The following TTN variants were observed in gnomAD, a reference collection of about 807,000 sequenced individuals.
The protein encoded by TTN is titin, also known as connectin.
In TTN, 1,525 loss-of-function variants were observed where a neutral mutation model predicts 3,223.0. The ratio of observed to expected loss-of-function variants is 0.47; its 90% CI spans 0.45 to 0.49. The LOEUF is 0.49. Ranked by LOEUF, TTN falls within the 20% of genes least tolerant of loss-of-function variation. TTN has a pLI of 0.00. For missense variants in TTN, 40,786 were observed against 43,424.0 expected (o/e 0.94, Z 5.40); for synonymous variants, 14,094 against 15,161.0 (o/e 0.93, Z 5.17).
intron 46 of TTN, among the ~76,000 whole-genome samples, chr2:178,755,400 G>A (rs1392302619): frequency 6.6e-6 from 1 of 152,066 alleles, no homozygotes; most frequent in Non-Finnish European, 1.5e-5. Context: ...TTGGTCCAGA[G>A]AGAGCTTTGT....
chr2:178,551,117 T>C lies in TTN; in HGVS notation c.91414A>G (p.Asn30472Asp). 1 of 1,613,500 alleles carries C rather than the reference T, an allele frequency of 6.2e-7. No individual in the cohort carries two copies. The highest frequency in any genetic ancestry group is 8.5e-7 in the Non-Finnish European group (1 of 1,179,652). Residue 30472 changes from asparagine to aspartate, a missense_variant, in exon 336 of 363, where the codon AAC becomes GAC. Asn to Asp is a conservative substitution (Grantham distance 23). Coordinates refer to ENST00000589042, the MANE Select transcript of TTN (RefSeq NM_001267550.2). The stretch of plus-strand genomic sequence containing the variant: ...TGACATTCACTGACGTCAGTAAAGT[T>C]GCATCTCACCCAGCGTTCATTTCCT... ...RQGNERWVRC[N>D]FTDVSECQYT...
intron 163 of TTN, among the ~76,000 whole-genome samples, chr2:178,666,483 T>A (rs910792629): frequency 2.6e-5 from 4 of 152,180 alleles, no homozygotes; most frequent in African/African-American, 9.6e-5. Flanking sequence ...TGCTCTAATC[T>A]TGTAGAGATA....
At position 178,741,542 on chromosome 2, in the gene TTN, G is replaced by C; in HGVS notation, c.11691C>G (p.Asp3897Glu). The change falls in exon 48 of 363, where the codon GAC becomes GAG. Residue 3897 changes from aspartate to glutamate, a missense_variant. Asp to Glu is a conservative substitution (Grantham distance 45). Coordinates refer to ENST00000589042, the MANE Select transcript of TTN (RefSeq NM_001267550.2). ...AGGCACTACATATTGTCTTTCCATAGTCATTACTGGCCATACATGTATACT... is the reference window on the plus strand; with the variant it reads ...AGGCACTACATATTGTCTTTCCATACTCATTACTGGCCATACATGTATACT... ...EGEYTCMASN[D>E]YGKTICSAYL... 4 of 1,613,792 alleles carry C rather than the reference G, an allele frequency of 2.5e-6. No individual in the cohort carries two copies. Among genetic ancestry groups the C allele is most frequent in the Non-Finnish European group, 3.4e-6 (4 of 1,179,786 alleles).
chr2:178,758,174 G>T (rs1379522975), intron 44 of TTN, among the ~76,000 whole-genome samples: 1 of 152,068 alleles, frequency 6.6e-6, no homozygotes, highest in African/African-American at 2.4e-5. Flanking sequence ...GTACCCAACA[G>T]GGTTTTGGAT....
chr2:178,768,405 C>G (rs923107454), intron 38 of TTN, among the ~76,000 whole-genome samples: 1 of 152,164 alleles, frequency 6.6e-6, no homozygotes, highest in Non-Finnish European at 1.5e-5. Flanking sequence ...ATCTACATCT[C>G]TATAGATTTG....
chr2:178,733,757 T>G lies in TTN; in HGVS notation c.15632A>C (p.Asp5211Ala), dbSNP rs1174909402. Residue 5211 changes from aspartate (D) to alanine (A), a missense_variant, in exon 53 of 363, where the codon GAC becomes GCC. By Grantham distance (126) the Asp-to-Ala change is moderately radical (BLOSUM62 -2). Coordinates refer to ENST00000589042, the MANE Select transcript of TTN (RefSeq NM_001267550.2). ...WMKGQEVIREDGKIKMSFSNG... is the reference protein window; with the variant it reads ...WMKGQEVIREAGKIKMSFSNG... ...GGAAAAGCTCATTTTGATTTTTCCGTCTTCTCTGATGACCTCTTGACCTTT... is the reference window on the plus strand; with the variant it reads ...GGAAAAGCTCATTTTGATTTTTCCGGCTTCTCTGATGACCTCTTGACCTTT... 1 of 1,613,858 alleles carries G rather than the reference T, an allele frequency of 6.2e-7. No homozygotes were observed. Among genetic ancestry groups the G allele is most frequent in the South Asian group, 1.1e-5 (1 of 91,086 alleles).
chr2:178,604,261 C>A lies in TTN; in HGVS notation c.54426G>T (p.Arg18142Ser). 1 of 1,564,214 alleles carries A rather than the reference C, an allele frequency of 6.4e-7. No homozygotes were observed. Among genetic ancestry groups the A allele is most frequent in the Non-Finnish European group, 8.7e-7 (1 of 1,153,226 alleles). Residue 18142 changes from arginine (R) to serine (S), a missense_variant, in exon 282 of 363, where the codon AGG (arginine) becomes AGT (serine). Coordinates refer to ENST00000589042, the MANE Select transcript of TTN (RefSeq NM_001267550.2). ...CACTGATTCCATATTTATTCACTGC[C>A]CTGACTCGGAACTCATACTGACCAT... The part of the protein sequence containing the change: ...IPNGQYEFRV[R>S]AVNKYGISDE...
rs1341053219 is a variant in TTN, at chr2:178,564,728, G to A, written c.81404C>T (p.Thr27135Ile). Residue 27135 changes from threonine (T) to isoleucine (I), a missense_variant, in exon 326 of 363, where the codon ACT becomes ATT. Physicochemically the swap from Thr to Ile is moderately conservative, Grantham distance 89. Coordinates refer to ENST00000589042, the MANE Select transcript of TTN (RefSeq NM_001267550.2). Reference sequence around the variant, plus strand: ...ATACTCAAGGCCCTCATCAAGCCCAGTTGTTTTGAATTTGGTGTCCTGAAT... The same window carrying A: ...ATACTCAAGGCCCTCATCAAGCCCAATTGTTTTGAATTTGGTGTCCTGAAT... ...TPIQDTKFKTTGLDEGLEYEF... is the reference protein window; with the variant it reads ...TPIQDTKFKTIGLDEGLEYEF... 6.2e-7 allele frequency: 1 copy of A among 1,613,060 alleles called. No homozygotes were observed. The highest frequency in any genetic ancestry group is 1.3e-5 in the African/African-American group (1 of 74,896).
At position 178,697,257 on chromosome 2, in the gene TTN, T is replaced by C. The variant is rs931465467; in HGVS notation, c.30755-89A>G. The C allele has an allele frequency of 4.4e-6, 5 of 1,141,116 alleles. No individual in the cohort carries two copies. In the East Asian group the frequency reaches 1.4e-4, roughly 31 times the overall value. The allele number at this position is 1,141,116 out of a possible 1,614,324, so 70.7% of individuals were successfully genotyped here. On this transcript the variant is annotated intron_variant, in intron 112 of 362. Coordinates refer to ENST00000589042, the MANE Select transcript of TTN (RefSeq NM_001267550.2). ...TAATCCTCCACATCATTGTTAGTTG[T>C]TTGTAGGAGCTATGACTACTACTCA...
At chr2:178,765,208 A>G (rs975662343) in intron 41 of TTN, among the ~76,000 whole-genome samples, 1 of 152,174 alleles carries the variant, frequency 6.6e-6, no homozygotes, top group Non-Finnish European at 1.5e-5. Flanking sequence ...GGCTCATATC[A>G]TTCCAGTTTG....
In TTN at chr2:178,739,368, A is replaced by G. The variant is rs750953886; in HGVS notation, c.13865T>C (p.Ile4622Thr). 3.1e-6 allele frequency: 5 copies of G among 1,613,746 alleles called. No homozygotes were observed. The highest frequency in any genetic ancestry group is 2.5e-6 in the Non-Finnish European group (3 of 1,179,840). Reference sequence around the variant, plus strand: ...TGTTATGGATGTTGTGAGGTGTACAATATCACCTTCCTCAGAAACAGTGTC... The same window carrying G: ...TGTTATGGATGTTGTGAGGTGTACAGTATCACCTTCCTCAGAAACAGTGTC... ...LVDTVSEEGD[I>T]VHLTTSITNA... Residue 4622 changes from isoleucine (I) to threonine (T), a missense_variant, in exon 48 of 363, where the codon ATT (isoleucine) becomes ACT (threonine). Transcript: ENST00000589042.
At chr2:178,781,490 G>A (rs1484566671) in intron 20 of TTN, among the ~76,000 whole-genome samples, 1 of 152,116 alleles carries the variant, frequency 6.6e-6, no homozygotes, top group Non-Finnish European at 1.5e-5. Context: ...AATATTTATT[G>A]CTAGAATCAG....
Position 178,535,238 on chromosome 2 carries a change from C to G in TTN, c.101377G>C (p.Asp33793His). The G allele has an allele frequency of 2.5e-6, 4 of 1,613,952 alleles. No individual in the cohort carries two copies. Among genetic ancestry groups the G allele is most frequent in the Non-Finnish European group, 3.4e-6 (4 of 1,179,862 alleles). ...TCCCTGGTTTCATCTACCTCTTCAT[C>G]ATAGTTCATAGCTCTGGTCTTATCT... is the stretch of plus-strand genomic sequence containing the variant. ...KEDKTRAMNY[D>H]EEVDETREVS... Residue 33793 changes from aspartate (D) to histidine (H), a missense_variant, in exon 358 of 363, where the codon GAT (aspartate) becomes CAT (histidine). By Grantham distance (81) the Asp-to-His change is moderately conservative. Coordinates refer to ENST00000589042, the MANE Select transcript of TTN (RefSeq NM_001267550.2).
chr2:178,745,790 A>G, intron 47 of TTN: 1 of 1,613,242 alleles, frequency 6.2e-7, no homozygotes, highest in Non-Finnish European at 8.5e-7. Context: ...AGAGCCACGA[A>G]CTAAGCACTG....
rs757252494 is a variant in TTN at position 178,568,966 on chromosome 2, A to G, written c.77166T>C (p.Pro25722=). 1.2e-5 allele frequency: 20 copies of G among 1,613,282 alleles called. No homozygotes were observed. Among genetic ancestry groups the G allele is most frequent in the Non-Finnish European group, 1.4e-5 (17 of 1,179,580 alleles). Residue 25722 remains proline, a synonymous_variant, in exon 326 of 363, where the codon CCT becomes CCC. Coordinates refer to ENST00000589042, the MANE Select transcript of TTN (RefSeq NM_001267550.2). The part of the protein sequence containing the change: ...RNSVSLSWTK[P]EHDGGSKIIQ... ...TGATTTTACTGCCACCATCATGTTC[A>G]GGTTTTGTCCAACTCAGAGAGACAC...
At position 178,620,505 on chromosome 2, in the gene TTN, T is replaced by C; in HGVS notation, c.46016A>G (p.Glu15339Gly). Residue 15339 changes from glutamate to glycine, a missense_variant, in exon 248 of 363, where the codon GAA becomes GGA. Physicochemically the swap from Glu to Gly is moderately conservative, Grantham distance 98. Transcript: ENST00000589042. Reference protein sequence around the residue: ...NVTLKWTKNGEEVPFDNRVSY... With the variant: ...NVTLKWTKNGGEVPFDNRVSY... Reference sequence around the variant, plus strand: ...GACACGGTTGTCAAAAGGCACTTCTTCACCATTTTTGGTCCACTTCAGTGT... The same window carrying C: ...GACACGGTTGTCAAAAGGCACTTCTCCACCATTTTTGGTCCACTTCAGTGT... The C allele has an allele frequency of 6.2e-7, 1 of 1,612,440 alleles. No homozygotes were observed. The highest frequency in any genetic ancestry group is 2.2e-5 in the East Asian group (1 of 44,690).
chr2:178,719,044 T>TA (rs376393681), intron 83 of TTN, 71 bp from the exon 84 acceptor site: 25 of 1,516,986 alleles, frequency 1.6e-5, no homozygotes, highest in Middle Eastern at 1.8e-4. Context: ...TTTTGCTCCT[T>TA]AAAAAAAGGG....
intron 240 of TTN, among the ~76,000 whole-genome samples, chr2:178,627,813 C>A (rs2059258907): frequency 6.6e-6 from 1 of 151,934 alleles, no homozygotes; most frequent in Non-Finnish European, 1.5e-5. Context: ...AAAATAATAT[C>A]ATTTGTCTTT....
Position 178,722,102 on chromosome 2 carries a change from G to C in TTN, c.22561C>G (p.Pro7521Ala), listed in dbSNP as rs752570029. 6.3e-7 allele frequency: 1 copy of C among 1,581,506 alleles called. No individual in the cohort carries two copies. Among genetic ancestry groups the C allele is most frequent in the Admixed American group, 1.8e-5 (1 of 55,074 alleles). Residue 7521 changes from proline (P) to alanine (A), a missense_variant, in exon 78 of 363, where the codon CCT becomes GCT. By Grantham distance (27) the Pro-to-Ala change is conservative. Coordinates refer to ENST00000589042, the MANE Select transcript of TTN (RefSeq NM_001267550.2). The stretch of plus-strand genomic sequence containing the variant: ...CCAGCAATAACATCTATAGATACAG[G>C]CTTGATGTCAAAGAAGGGAGATTTC... ...PKKSPFFDIKPVSIDVIAGES... is the reference protein window; with the variant it reads ...PKKSPFFDIKAVSIDVIAGES...
Sources: gnomAD v4.1 joint callset for allele counts (sites outside exome capture counted in the v4.1 genomes callset) on GRCh38, gnomAD v4.1.1 for gene constraint, MANE v1.5 for transcripts, NCBI Gene and HGNC (gene_info 2026-07-23, HGNC 2026-07-21) for gene names.